POU6F2: variants seen among roughly 807,000 people sequenced by gnomAD.
POU6F2 encodes POU class 6 homeobox 2.
POU6F2 carries 31 observed loss-of-function variants against 71.3 expected under a neutral mutation model. That is an observed-to-expected ratio of 0.43 (90% CI 0.33 to 0.59). The LOEUF is 0.59. Ranked by LOEUF, POU6F2 falls within the 20% of genes least tolerant of loss-of-function variation. The pLI, the probability that POU6F2 is intolerant of heterozygous loss-of-function variation, is 0.04. For synonymous variants in POU6F2, 347 were observed against 355.7 expected, an observed-to-expected ratio of 0.98 and a Z score of 0.27; for missense variants, 783 against 856.8, an observed-to-expected ratio of 0.91 and a Z score of 1.07.
chr7:39,101,220 C>T (rs1791564961), intron 2 of POU6F2, among the ~76,000 whole-genome samples: 1 of 151,858 alleles, frequency 6.6e-6, no homozygotes, highest in African/African-American at 2.4e-5. Flanking sequence ...ATTACAGCCA[C>T]CCGCCACCAA....
At chr7:39,318,244 G>T (rs1401522795) in intron 4 of POU6F2, among the ~76,000 whole-genome samples, 1 of 152,138 alleles carries the variant, frequency 6.6e-6, no homozygotes, top group African/African-American at 2.4e-5. Flanking sequence ...GAAACCAGTA[G>T]AGACCAGCAC....
At chr7:39,268,111 T>A (rs563864078) in intron 4 of POU6F2, among the ~76,000 whole-genome samples, 1 of 152,314 alleles carries the variant, frequency 6.6e-6, no homozygotes, top group East Asian at 1.9e-4. Flanking sequence ...CCTGAGATAA[T>A]ACACCATGTT....
At chr7:39,458,530 G>A (rs891852466) in intron 8 of POU6F2, among the ~76,000 whole-genome samples, 6 of 152,116 alleles carry the variant, frequency 3.9e-5, no homozygotes, top group African/African-American at 1.4e-4. Flanking sequence ...ACAATCCTTA[G>A]CGAGCCCGGA....
At chr7:39,130,354 T>G (rs1792243103) in intron 2 of POU6F2, among the ~76,000 whole-genome samples, 2 of 152,248 alleles carry the variant, frequency 1.3e-5, no homozygotes, top group East Asian at 1.9e-4. Context: ...TCCTTAAGGA[T>G]TTCAACTCTT....
At chr7:39,087,164 ATTT>A (rs1562700978) in intron 2 of POU6F2, among the ~76,000 whole-genome samples, 2,067 of 114,262 alleles carry the variant, frequency 0.018, 21 homozygotes, top group African/African-American at 0.03. Flanking sequence ...TAATTAATTT[ATTT>A]ATTTATTTAT....
At chr7:39,119,891 G>A (rs1477411869) in intron 2 of POU6F2, among the ~76,000 whole-genome samples, 1 of 152,138 alleles carries the variant, frequency 6.6e-6, no homozygotes, top group African/African-American at 2.4e-5. Flanking sequence ...TTAAAACAAA[G>A]GGCTTGCAAT....
rs139305692 is a variant in POU6F2, at chr7:39,431,848, C to A, written c.1114-1229C>A. Among the ~76,000 whole-genome samples, 219 of 152,298 alleles carry A rather than the reference C, an allele frequency of 1.4e-3. 1 individual carries two copies. Among genetic ancestry groups the A allele is most frequent in the African/African-American group, 5.2e-3 (216 of 41,558 alleles). On this transcript the variant is annotated intron_variant, in intron 6 of 9. Coordinates refer to ENST00000518318, the MANE Select transcript of POU6F2 (RefSeq NM_001370959.1). ...TATGTGTAAAAACACTTCCTGAGATCTTACTACTGTGTCCTGGTGGCCCCC... is the reference window on the plus strand; with the variant it reads ...TATGTGTAAAAACACTTCCTGAGATATTACTACTGTGTCCTGGTGGCCCCC...
At chr7:39,207,306 C>A (rs537796668) in intron 3 of POU6F2, 86 bp from the exon 4 acceptor site, 2 of 1,275,520 alleles carry the variant, frequency 1.6e-6, no homozygotes, top group African/African-American at 1.5e-5. Context: ...AACTTTCTGA[C>A]CCTACTTAAG....
At chr7:39,457,728 A>G (rs1414964912) in intron 8 of POU6F2, among the ~76,000 whole-genome samples, 1 of 152,148 alleles carries the variant, frequency 6.6e-6, no homozygotes, top group Admixed American at 6.5e-5. Context: ...TGACTCTTAT[A>G]CCTGCCAAAT....
chr7:39,297,196 T>C (rs6943013), intron 4 of POU6F2, among the ~76,000 whole-genome samples: 11,168 of 138,932 alleles, frequency 0.08, 497 homozygotes, highest in Non-Finnish European at 0.1. Context: ...CACATACACA[T>C]ACACACACAC....
At chr7:39,360,442 C>T (rs1395380815) in intron 5 of POU6F2, among the ~76,000 whole-genome samples, 2 of 152,168 alleles carry the variant, frequency 1.3e-5, no homozygotes. Flanking sequence ...ATCTAAACTT[C>T]AAGCACATGA....
chr7:39,190,417 TAAAA>T (rs57872350), intron 2 of POU6F2, among the ~76,000 whole-genome samples: 1 of 59,906 alleles, frequency 1.7e-5, no homozygotes, highest in African/African-American at 7.4e-5. Context: ...CTCCTTTTCT[TAAAA>T]AAAAAAAAAA....
At chr7:39,075,124 A>G (rs1037012174) in intron 1 of POU6F2, among the ~76,000 whole-genome samples, 1 of 152,132 alleles carries the variant, frequency 6.6e-6, no homozygotes, top group East Asian at 1.9e-4. Flanking sequence ...TATAGGTCAA[A>G]AGGCATCTCT....
intron 5 of POU6F2, among the ~76,000 whole-genome samples, chr7:39,367,273 A>G (rs1342769504): frequency 6.6e-6 from 1 of 152,258 alleles, no homozygotes; most frequent in Non-Finnish European, 1.5e-5. Flanking sequence ...AAACGTTCAA[A>G]TATACAATGA....
At chr7:39,237,698 C>T (rs1208855951) in intron 4 of POU6F2, among the ~76,000 whole-genome samples, 1 of 152,116 alleles carries the variant, frequency 6.6e-6, no homozygotes, top group Non-Finnish European at 1.5e-5. Flanking sequence ...TCAGCAGCAA[C>T]TCACTTCTAT....
intron 4 of POU6F2, among the ~76,000 whole-genome samples, chr7:39,286,204 C>T (rs1041902129): frequency 6.6e-6 from 1 of 152,134 alleles, no homozygotes; most frequent in East Asian, 1.9e-4. Context: ...CACTTACCAG[C>T]AAGATGGGGC....
chr7:39,043,859 C>T (rs1790240444), intron 1 of POU6F2, among the ~76,000 whole-genome samples: 1 of 151,956 alleles, frequency 6.6e-6, no homozygotes, highest in Non-Finnish European at 1.5e-5. Context: ...ATTCTGCCCC[C>T]TTGGTCCTCC....
At chr7:39,001,883 T>C (rs1317474153) in intron 1 of POU6F2, 2 of 152,010 alleles carry the variant, frequency 1.3e-5, no homozygotes, top group African/African-American at 4.8e-5. Flanking sequence ...GTGATGGGGA[T>C]GATGATGTGA....
At chr7:39,174,894 G>A (rs1793298113) in intron 2 of POU6F2, among the ~76,000 whole-genome samples, 1 of 152,094 alleles carries the variant, frequency 6.6e-6, no homozygotes, top group African/African-American at 2.4e-5. Context: ...CCTGTGATCT[G>A]GATTCCACCC....
Sources: allele counts gnomAD v4.1 joint callset (sites outside exome capture counted in the v4.1 genomes callset), GRCh38; gene constraint gnomAD v4.1.1; transcripts MANE v1.5; gene names NCBI Gene and HGNC (gene_info 2026-07-23, HGNC 2026-07-21).